The following TBC1D16 variants were observed in gnomAD, a reference collection of about 807,000 sequenced individuals.
TBC1D16 encodes CTD-2529O21.1.
In TBC1D16, 58 loss-of-function variants were observed where a neutral mutation model predicts 74.7. That is an observed-to-expected ratio of 0.78 (90% CI 0.63 to 0.97). The LOEUF (loss-of-function observed/expected upper bound fraction) is 0.97, where lower values mean the gene tolerates loss of function less well. Among genes scored for constraint, TBC1D16 ranks in the 50% least tolerant of loss-of-function variants. TBC1D16 has a pLI of 0.00. For synonymous variants in TBC1D16, 493 were observed against 474.7 expected (o/e 1.04, Z -0.50); for missense variants, 1,014 against 1,079.5 (o/e 0.94, Z 0.85).
At position 79,933,505 on chromosome 17, in the gene TBC1D16, G is replaced by A. The variant is rs979210591; in HGVS notation, c.*7354C>T. The A allele has an allele frequency of 8.5e-5, 13 of 152,228 alleles. No homozygotes were observed. Among genetic ancestry groups the A allele is most frequent in the African/African-American group, 1.7e-4 (7 of 41,432 alleles). 9.4% of individuals were successfully genotyped at this position (152,228 alleles called of 1,614,324 possible). A position where few individuals can be genotyped will look rare whatever the true frequency, so the allele number is the denominator to read the frequency against. ...CTGGCTCATGGCCTGTCCTGGGCAC[G>A]GGGAGGAAGGGAGACACCCGTAATA... is the stretch of plus-strand genomic sequence containing the variant. On this transcript the variant is annotated 3_prime_UTR_variant, in exon 12 of 12. Transcript: ENST00000310924.
intron 1 of TBC1D16, among the ~76,000 whole-genome samples, chr17:80,027,184 G>A (rs562806733): frequency 5.3e-5 from 8 of 152,332 alleles, no homozygotes; most frequent in Non-Finnish European, 7.3e-5. Flanking sequence ...TGAGGAGGCT[G>A]GGCACGGTAG....
At chr17:79,963,234 A>C (rs564189406) in intron 3 of TBC1D16, among the ~76,000 whole-genome samples, 1 of 151,898 alleles carries the variant, frequency 6.6e-6, no homozygotes, top group African/African-American at 2.4e-5. Context: ...AAAAGCAAAA[A>C]AAAAAGCCCG....
chr17:79,949,963 C>T, intron 6 of TBC1D16, 98 bp from the exon 7 acceptor site: 2 of 1,419,420 alleles, frequency 1.4e-6, no homozygotes, highest in Non-Finnish European at 1.9e-6. Flanking sequence ...TTTTGGTGCG[C>T]CTTGATTCAG....
rs1208388887 is a variant in TBC1D16 at position 79,936,357 on chromosome 17, CG to C, written c.*4501del. On this transcript the variant is annotated 3_prime_UTR_variant, in exon 12 of 12. Transcript: ENST00000310924. ...AGCTCGCTGCCCCTCACGATGCACACGGCTGATGGCTGAGGTCAGCGGTCTC... is the reference window on the plus strand; with the variant it reads ...AGCTCGCTGCCCCTCACGATGCACACGCTGATGGCTGAGGTCAGCGGTCTC... 6.6e-6 allele frequency: 1 copy of C among 152,090 alleles called. No homozygotes were observed. The highest frequency in any genetic ancestry group is 2.4e-5 in the African/African-American group (1 of 41,400). 9.4% of individuals were successfully genotyped at this position (152,090 alleles called of 1,614,324 possible).
chr17:79,990,110 T>TC lies in TBC1D16; in HGVS notation c.779+20049dup, dbSNP rs527477501. On this transcript the variant is annotated intron_variant, in intron 3 of 11. Coordinates refer to ENST00000310924, the MANE Select transcript of TBC1D16 (RefSeq NM_019020.4). This position sits in a 1 kb window ranked among gnomAD's most constrained non-coding sequence, Gnocchi z 4.8. ...GCTCTGGAAGCTTCCGTCAAGGTTT[T>TC]CCCACACTCCATGTCAGGTCTCTGA... Among the ~76,000 whole-genome samples, 1 of 152,218 alleles carries TC rather than the reference T, an allele frequency of 6.6e-6. No individual in the cohort carries two copies. The highest frequency in any genetic ancestry group is 1.5e-5 in the Non-Finnish European group (1 of 68,046).
At chr17:79,972,668 G>C (rs2034161891) in intron 3 of TBC1D16, among the ~76,000 whole-genome samples, 1 of 152,166 alleles carries the variant, frequency 6.6e-6, no homozygotes, top group African/African-American at 2.4e-5. Flanking sequence ...AGGAGATGGG[G>C]AGTTGTTTAA....
chr17:79,972,099 C>A (rs750126217), intron 3 of TBC1D16, among the ~76,000 whole-genome samples: 1 of 152,178 alleles, frequency 6.6e-6, no homozygotes, highest in South Asian at 2.1e-4. Flanking sequence ...CAGTGTCCAT[C>A]GATGGGTGAA....
rs118087657 is a variant in TBC1D16, at chr17:79,940,381, A to G, written c.*478T>C. On this transcript the variant is annotated 3_prime_UTR_variant, in exon 12 of 12. Coordinates refer to ENST00000310924, the MANE Select transcript of TBC1D16 (RefSeq NM_019020.4). This position sits in a 1 kb window ranked among gnomAD's most constrained non-coding sequence, Gnocchi z 5.4. ...CTCACTCCGAGAGAACGAGGTCTCA[A>G]GAGGAAGTGTGTCTGGCTTGCAAAG... 2.1e-3 allele frequency: 315 copies of G among 153,214 alleles called. 6 individuals carry two copies. The East Asian group carries it at 0.039, about 19-fold the overall frequency. 9.5% of individuals were successfully genotyped at this position (153,214 alleles called of 1,614,324 possible).
chr17:79,950,633 G>A lies in TBC1D16; in HGVS notation c.1090-55C>T. 1.3e-6 allele frequency: 2 copies of A among 1,584,528 alleles called. No individual in the cohort carries two copies. The highest frequency in any genetic ancestry group is 8.6e-7 in the Non-Finnish European group (1 of 1,165,618). Reference sequence around the variant, plus strand: ...AGGATCTCAGCCGCGCGGCTTCAGAGGCCAGCAGTGCTTTTCCCAGGAATA... The same window carrying A: ...AGGATCTCAGCCGCGCGGCTTCAGAAGCCAGCAGTGCTTTTCCCAGGAATA... On this transcript the variant is annotated intron_variant, in intron 5 of 11. Transcript: ENST00000310924. The surrounding 1 kb of genome is among the most constrained non-coding windows in gnomAD (Gnocchi z 4.6).
intron 3 of TBC1D16, among the ~76,000 whole-genome samples, chr17:80,006,687 ATCTC>A (rs1372386629): frequency 6.6e-6 from 1 of 150,754 alleles, no homozygotes; most frequent in African/African-American, 2.4e-5. Flanking sequence ...CAGACAGAGT[ATCTC>A]TCTGTCACCC....
At position 79,950,291 on chromosome 17, in the gene TBC1D16, C is replaced by T. The variant is rs2032939909; in HGVS notation, c.1257+120G>A. 3.4e-6 allele frequency: 4 copies of T among 1,160,506 alleles called. No individual in the cohort carries two copies. The highest frequency in any genetic ancestry group is 5.8e-5 in the Admixed American group (2 of 34,322). The allele number at this position is 1,160,506 out of a possible 1,614,324, so 71.9% of individuals were successfully genotyped here. A position where few individuals can be genotyped will look rare whatever the true frequency, so the allele number is the denominator to read the frequency against. ...GCCTCACACAAGAAAACGGGGCCCTCACGAGGAGGTGGCCCGTGGGTGCGG... is the reference window on the plus strand; with the variant it reads ...GCCTCACACAAGAAAACGGGGCCCTTACGAGGAGGTGGCCCGTGGGTGCGG... On this transcript the variant is annotated intron_variant, in intron 6 of 11. Coordinates refer to ENST00000310924, the MANE Select transcript of TBC1D16 (RefSeq NM_019020.4). This position sits in a 1 kb window ranked among gnomAD's most constrained non-coding sequence, Gnocchi z 4.6.
chr17:79,942,810 G>T (rs534804510), intron 10 of TBC1D16, among the ~76,000 whole-genome samples: 1 of 152,230 alleles, frequency 6.6e-6, no homozygotes, highest in African/African-American at 2.4e-5. Context: ...CCCACAGGGT[G>T]GCTGAAATGA....
intron 1 of TBC1D16, among the ~76,000 whole-genome samples, chr17:80,023,676 G>A (rs2036374113): frequency 6.8e-6 from 1 of 146,120 alleles, no homozygotes. Flanking sequence ...CACCGGCTCA[G>A]GGCGTGGCTG....
chr17:79,973,709 CAA>C (rs869165079), intron 3 of TBC1D16, among the ~76,000 whole-genome samples: 4 of 95,236 alleles, frequency 4.2e-5, no homozygotes, highest in African/African-American at 3.4e-5. Flanking sequence ...GACTCTGTCT[CAA>C]AAAAAAAAAA....
chr17:79,943,881 C>T (rs1178005150), intron 10 of TBC1D16: 69 of 1,406,446 alleles, frequency 4.9e-5, no homozygotes, highest in East Asian at 1.0e-4. Context: ...CAATGAGGCA[C>T]GATTTTTTTT....
chr17:80,003,716 A>T (rs2086648420), intron 3 of TBC1D16, among the ~76,000 whole-genome samples: 1 of 151,906 alleles, frequency 6.6e-6, no homozygotes, highest in Non-Finnish European at 1.5e-5. Context: ...AACCTCTGCC[A>T]TCCACTGCCG....
At chr17:79,945,853 G>T (rs1262220589) in intron 9 of TBC1D16, among the ~76,000 whole-genome samples, 1 of 152,258 alleles carries the variant, frequency 6.6e-6, no homozygotes, top group African/African-American at 2.4e-5. Flanking sequence ...GGTGGAGTTA[G>T]ATCACAGCTG....
chr17:80,016,718 G>A (rs551078492), intron 1 of TBC1D16, among the ~76,000 whole-genome samples: 11 of 152,266 alleles, frequency 7.2e-5, no homozygotes, highest in East Asian at 1.9e-4. Flanking sequence ...AGGACCAGGC[G>A]GCTCAGCGCT....
intron 8 of TBC1D16, among the ~76,000 whole-genome samples, chr17:79,948,312 C>A (rs1284389401): frequency 2.5e-3 from 339 of 136,366 alleles, no homozygotes; most frequent in Non-Finnish European, 2.6e-3. Flanking sequence ...GACTCCGTCT[C>A]AAAAAAAAAA....
Sources: allele counts gnomAD v4.1 joint callset (sites outside exome capture counted in the v4.1 genomes callset), GRCh38; gene constraint gnomAD v4.1.1; non-coding constraint Gnocchi (gnomAD v3.1); transcripts MANE v1.5; gene names NCBI Gene and HGNC (gene_info 2026-07-23, HGNC 2026-07-21).